SHISA9: variants seen among roughly 807,000 people sequenced by gnomAD.
The protein encoded by SHISA9 is shisa family member 9, also known as protein shisa-9.
SHISA9 carries 13 observed loss-of-function variants against 38.0 expected under a neutral mutation model. The observed-to-expected ratio is 0.34, with a 90% CI of 0.22 to 0.54. SHISA9 has a LOEUF of 0.54. Ranked by LOEUF, SHISA9 falls within the 20% of genes least tolerant of loss-of-function variation. The pLI, the probability that SHISA9 is intolerant of heterozygous loss-of-function variation, is 0.91. For missense variants in SHISA9, 538 were observed against 575.8 expected (o/e 0.93, Z 0.67); for synonymous variants, 275 against 242.0 (o/e 1.14, Z -1.27).
At chr16:13,414,681 C>G in the SHISA9 span, among the ~76,000 whole-genome samples, 3 of 146,380 alleles carry the variant, frequency 2.0e-5, no homozygotes, top group Non-Finnish European at 3.0e-5. Flanking sequence ...GTGTTGCCCT[C>G]TTGCCCAGGC....
chr16:13,048,319 T>C (rs967880525), intron 2 of SHISA9, among the ~76,000 whole-genome samples: 4 of 152,224 alleles, frequency 2.6e-5, no homozygotes, highest in African/African-American at 7.2e-5. Flanking sequence ...CTGATCAGCA[T>C]GATATGGAGC....
chr16:13,232,192 G>C (rs1218964985), intron 4 of SHISA9, among the ~76,000 whole-genome samples: 2 of 152,150 alleles, frequency 1.3e-5, no homozygotes, highest in African/African-American at 4.8e-5. Flanking sequence ...GTGGATAAAA[G>C]AGCAAATACT....
intron 4 of SHISA9, among the ~76,000 whole-genome samples, chr16:13,213,647 G>T (rs1354412471): frequency 1.3e-5 from 2 of 152,150 alleles, no homozygotes; most frequent in African/African-American, 4.8e-5. Flanking sequence ...ATTAATGGGG[G>T]CGGGGCGGGG....
At chr16:13,068,733 T>C (rs956877934) in intron 2 of SHISA9, among the ~76,000 whole-genome samples, 1 of 152,206 alleles carries the variant, frequency 6.6e-6, no homozygotes, top group South Asian at 2.1e-4. Context: ...TGTGTATAAA[T>C]GTGTGAGTGC....
At chr16:13,131,027 G>C (rs555614806) in intron 2 of SHISA9, among the ~76,000 whole-genome samples, 1 of 152,288 alleles carries the variant, frequency 6.6e-6, no homozygotes, top group African/African-American at 2.4e-5. Flanking sequence ...ATGTAAATTA[G>C]TTCAACCATT....
the SHISA9 span, among the ~76,000 whole-genome samples, chr16:13,332,222 T>C: frequency 6.6e-6 from 1 of 152,170 alleles, no homozygotes. Flanking sequence ...TTGTCCTGGT[T>C]TTCCTGGAAC....
intron 2 of SHISA9, among the ~76,000 whole-genome samples, chr16:13,177,373 A>G (rs146036777): frequency 1.3e-3 from 193 of 152,296 alleles, no homozygotes; most frequent in African/African-American, 4.2e-3. Flanking sequence ...CCTGTTGTGC[A>G]GACTCCCCAC....
chr16:13,068,485 C>T (rs8049325), intron 2 of SHISA9, among the ~76,000 whole-genome samples: 2,756 of 152,332 alleles, frequency 0.018, 94 homozygotes, highest in African/African-American at 0.063. Context: ...CCTCTTACAG[C>T]ACTGAACTCT....
the SHISA9 span, among the ~76,000 whole-genome samples, chr16:13,333,795 A>T: frequency 2.0e-5 from 3 of 152,104 alleles, no homozygotes; most frequent in African/African-American, 7.2e-5. Context: ...GGGAGGGGGA[A>T]GTTGGGGAGG....
intron 1 of SHISA9, among the ~76,000 whole-genome samples, chr16:12,903,216 C>A (rs911611720): frequency 3.9e-5 from 6 of 152,172 alleles, no homozygotes; most frequent in Admixed American, 1.3e-4. Context: ...CAGAGCTTCG[C>A]CGTCCCTGGA....
At chr16:13,474,189 C>T in the SHISA9 span, 3 of 152,150 alleles carry the variant, frequency 2.0e-5, no homozygotes, top group Admixed American at 6.5e-5. Context: ...ACTTACATCC[C>T]TCTTCTTCTT....
chr16:13,487,494 C>A, the SHISA9 span, among the ~76,000 whole-genome samples: 59 of 152,306 alleles, frequency 3.9e-4, no homozygotes, highest in South Asian at 0.012. Context: ...ATGACCAGAT[C>A]TTTCAAGAAC....
the SHISA9 span, among the ~76,000 whole-genome samples, chr16:13,296,936 G>A: frequency 3.7e-5 from 5 of 135,722 alleles, no homozygotes; most frequent in South Asian, 2.5e-4. Flanking sequence ...ATGCTTTCTC[G>A]TTGTAAAAAT....
intron 2 of SHISA9, among the ~76,000 whole-genome samples, chr16:12,927,058 C>G (rs528887230): frequency 1.3e-5 from 2 of 152,146 alleles, no homozygotes; most frequent in South Asian, 2.1e-4. Context: ...CCTGCTGTTC[C>G]TTTAATAGAT....
chr16:13,461,806 G>A, the SHISA9 span, among the ~76,000 whole-genome samples: 328 of 151,338 alleles, frequency 2.2e-3, 1 homozygote, highest in African/African-American at 7.5e-3. Flanking sequence ...GTAGAGACGG[G>A]GTTTCACCGT....
At chr16:13,242,524 G>T (rs930598394), downstream of SHISA9, among the ~76,000 whole-genome samples, 2 of 152,154 alleles carry the variant, frequency 1.3e-5, no homozygotes, top group East Asian at 1.9e-4. Context: ...CTAGAGACAG[G>T]AACTCTCATC....
intron 2 of SHISA9, among the ~76,000 whole-genome samples, chr16:13,120,741 G>A (rs967955361): frequency 6.6e-6 from 1 of 152,166 alleles, no homozygotes; most frequent in East Asian, 1.9e-4. Flanking sequence ...GCGTAGAGGG[G>A]CAGGGCTGAT....
the SHISA9 span, among the ~76,000 whole-genome samples, chr16:13,473,054 C>T: frequency 6.6e-6 from 1 of 152,110 alleles, no homozygotes; most frequent in Admixed American, 6.5e-5. Context: ...GATTAGATGC[C>T]AGTCATTGTA....
intron 2 of SHISA9, among the ~76,000 whole-genome samples, chr16:12,938,932 C>T (rs984094537): frequency 6.6e-6 from 1 of 152,162 alleles, no homozygotes; most frequent in Non-Finnish European, 1.5e-5. Context: ...AGTTCTCCCT[C>T]CCATGTTGAG....
Sources: gnomAD v4.1 joint callset for allele counts (sites outside exome capture counted in the v4.1 genomes callset) on GRCh38, gnomAD v4.1.1 for gene constraint, MANE v1.5 for transcripts, NCBI Gene and HGNC (gene_info 2026-07-23, HGNC 2026-07-21) for gene names.